Variants in ADAMTS3 observed in about 807,000 individuals in gnomAD.
ADAMTS3 encodes A disintegrin and metalloproteinase with thrombospondin motifs 3.
In ADAMTS3, 73 loss-of-function variants were observed where a neutral mutation model predicts 129.0. The observed-to-expected ratio is 0.57, with a 90% CI of 0.47 to 0.69. The LOEUF is 0.69. Ranked by LOEUF, ADAMTS3 falls within the 30% of genes least tolerant of loss-of-function variation. The probability of loss-of-function intolerance (pLI) is 0.00; values close to 1 mark genes in which losing one functional copy is unlikely to be tolerated. For synonymous variants in ADAMTS3, 477 were observed against 510.8 expected, an observed-to-expected ratio of 0.93 and a Z score of 0.89; for missense variants, 1,457 against 1,514.5, an observed-to-expected ratio of 0.96 and a Z score of 0.63.
chr4:72,488,636 T>G (rs1246837586), intron 3 of ADAMTS3, among the ~76,000 whole-genome samples: 1 of 151,984 alleles, frequency 6.6e-6, no homozygotes. Context: ...GATTACTTTA[T>G]TCAAGATTTA....
intron 3 of ADAMTS3, among the ~76,000 whole-genome samples, chr4:72,417,722 A>T (rs1253322774): frequency 6.6e-6 from 1 of 151,958 alleles, no homozygotes; most frequent in Non-Finnish European, 1.5e-5. Flanking sequence ...TGAAGTCAGG[A>T]GATCAAGACC....
intron 3 of ADAMTS3, among the ~76,000 whole-genome samples, chr4:72,451,982 C>T (rs1324206192): frequency 6.6e-6 from 1 of 151,670 alleles, no homozygotes; most frequent in African/African-American, 2.4e-5. Flanking sequence ...CCAAGCTACT[C>T]AGGAGACTTA....
chr4:72,471,558 T>A (rs1719074319), intron 3 of ADAMTS3, among the ~76,000 whole-genome samples: 1 of 152,106 alleles, frequency 6.6e-6, no homozygotes, highest in South Asian at 2.1e-4. Context: ...CATATGTTTA[T>A]AAGACCAGAT....
intron 4 of ADAMTS3, among the ~76,000 whole-genome samples, chr4:72,345,950 GCAATAAGTAA>G (rs1720270734): frequency 3.3e-5 from 5 of 152,078 alleles, no homozygotes; most frequent in Admixed American, 3.3e-4. Context: ...AGTGTCTTCA[GCAATAAGTAA>G]ACATACTAGT....
chr4:72,376,119 A>C (rs1721127425), intron 4 of ADAMTS3, among the ~76,000 whole-genome samples: 1 of 152,234 alleles, frequency 6.6e-6, no homozygotes, highest in South Asian at 2.1e-4. Flanking sequence ...GAAGTGCTAC[A>C]TACATTTAAA....
intron 5 of ADAMTS3, among the ~76,000 whole-genome samples, chr4:72,328,892 C>T (rs1719765795): frequency 6.6e-6 from 1 of 152,136 alleles, no homozygotes; most frequent in Non-Finnish European, 1.5e-5. Context: ...CCACAACTAT[C>T]TCTTACGTAG....
intron 4 of ADAMTS3, among the ~76,000 whole-genome samples, chr4:72,382,758 C>A (rs1334715604): frequency 1.3e-5 from 2 of 152,086 alleles, no homozygotes; most frequent in Non-Finnish European, 2.9e-5. Flanking sequence ...GGCTGTTATC[C>A]TAAGTAAAAC....
intron 3 of ADAMTS3, among the ~76,000 whole-genome samples, chr4:72,467,554 C>T (rs1045256796): frequency 6.6e-6 from 1 of 151,958 alleles, no homozygotes; most frequent in Non-Finnish European, 1.5e-5. Flanking sequence ...CATACTCTTA[C>T]AATTTAAAAG....
chr4:72,348,442 A>G (rs1329729600), intron 4 of ADAMTS3, among the ~76,000 whole-genome samples: 1 of 152,110 alleles, frequency 6.6e-6, no homozygotes, highest in Non-Finnish European at 1.5e-5. Context: ...TTTTTCAGAA[A>G]GAGGTTGTAT....
chr4:72,521,028 C>T (rs963410754), intron 3 of ADAMTS3, among the ~76,000 whole-genome samples: 9 of 151,102 alleles, frequency 6.0e-5, no homozygotes, highest in African/African-American at 2.2e-4. Context: ...GACAGAGTCT[C>T]GTTCAGTCAC....
intron 4 of ADAMTS3, among the ~76,000 whole-genome samples, chr4:72,394,470 T>C (rs934314761): frequency 3.3e-5 from 5 of 152,196 alleles, no homozygotes; most frequent in Non-Finnish European, 5.9e-5. Context: ...CTTAAGTTCA[T>C]GGGCCTCTGT....
intron 4 of ADAMTS3, among the ~76,000 whole-genome samples, chr4:72,404,491 T>TAA (rs1722002808): frequency 6.6e-6 from 1 of 152,012 alleles, no homozygotes; most frequent in Non-Finnish European, 1.5e-5. Context: ...TCTTACACCA[T>TAA]AAACAAAAAT....
chr4:72,527,971 GAC>G (rs1488832883), intron 3 of ADAMTS3, among the ~76,000 whole-genome samples: 1 of 152,088 alleles, frequency 6.6e-6, no homozygotes, highest in African/African-American at 2.4e-5. Flanking sequence ...GTAGTGCCTG[GAC>G]TTGTGGATAC....
rs977163776 is a variant in ADAMTS3 at position 72,387,472 on chromosome 4, T to C, written c.661+27343A>G. On this transcript the variant is annotated intron_variant, in intron 4 of 21. Transcript: ENST00000286657. ...AATGGTAAATACCTTTCACAGATAA[T>C]GATATGCCAAACCAGGTACTATTCA... 3.3e-5 allele frequency among the ~76,000 whole-genome samples: 5 copies of C among 152,328 alleles called. No individual in the cohort carries two copies. The East Asian group carries it at 7.7e-4, about 24-fold the overall frequency.
chr4:72,518,206 T>C (rs1010244308), intron 3 of ADAMTS3, among the ~76,000 whole-genome samples: 2 of 152,178 alleles, frequency 1.3e-5, no homozygotes, highest in Non-Finnish European at 2.9e-5. Context: ...GAGAGACAGT[T>C]TGTTATAATT....
intron 17 of ADAMTS3, among the ~76,000 whole-genome samples, chr4:72,299,053 CTGTGTGTGTGTGTGTGTGTG>C (rs60439058): frequency 0.011 from 1,467 of 138,140 alleles, 14 homozygotes; most frequent in African/African-American, 0.037. Context: ...TATTTGCATT[CTGTGTGTGTGTGTGTGTGTG>C]TGTGTGTGTG....
In ADAMTS3 at chr4:72,397,104, A is replaced by G. The variant is rs114924552; in HGVS notation, c.661+17711T>C. On this transcript the variant is annotated intron_variant, in intron 4 of 21. Coordinates refer to ENST00000286657, the MANE Select transcript of ADAMTS3 (RefSeq NM_014243.3). ...CTCTTTTCCCTGCCTCTACTCTCTCACTCCTCTCTATACTCCAAGAGTGTA... is the reference window on the plus strand; with the variant it reads ...CTCTTTTCCCTGCCTCTACTCTCTCGCTCCTCTCTATACTCCAAGAGTGTA... 3.6e-3 allele frequency among the ~76,000 whole-genome samples: 553 copies of G among 151,776 alleles called. 3 individuals are homozygous for G. Among genetic ancestry groups the G allele is most frequent in the South Asian group, 6.7e-3 (32 of 4,804 alleles).
chr4:72,442,582 C>T (rs2109961649), intron 3 of ADAMTS3, among the ~76,000 whole-genome samples: 1 of 151,804 alleles, frequency 6.6e-6, no homozygotes, highest in Non-Finnish European at 1.5e-5. Context: ...CCTCCATGGC[C>T]CAAACACCTT....
intron 3 of ADAMTS3, among the ~76,000 whole-genome samples, chr4:72,479,710 A>T (rs1719369808): frequency 6.6e-6 from 1 of 152,194 alleles, no homozygotes; most frequent in Non-Finnish European, 1.5e-5. Context: ...TCATTAAACT[A>T]AAGAGCTTCT....
Sources: allele counts gnomAD v4.1 joint callset (sites outside exome capture counted in the v4.1 genomes callset), GRCh38; gene constraint gnomAD v4.1.1; transcripts MANE v1.5; gene names NCBI Gene and HGNC (gene_info 2026-07-23, HGNC 2026-07-21).